The following ZC3H6 variants were observed in gnomAD, a reference collection of about 807,000 sequenced individuals.
ZC3H6 encodes the protein zinc finger CCCH-type containing 6.
ZC3H6 carries 40 observed loss-of-function variants against 107.7 expected under a neutral mutation model. The ratio of observed to expected loss-of-function variants is 0.37; its 90% confidence interval spans 0.29 to 0.48. ZC3H6 has a LOEUF of 0.48. Ranked by LOEUF, ZC3H6 falls within the 20% of genes least tolerant of loss-of-function variation. The pLI is 0.98. For missense variants in ZC3H6, 1,267 were observed against 1,410.4 expected (o/e 0.90, Z 1.63); for synonymous variants, 493 against 487.9 (o/e 1.01, Z -0.14).
chr2:112,290,859 A>G (rs1056049631), intron 1 of ZC3H6, among the ~76,000 whole-genome samples: 16 of 152,384 alleles, frequency 1.0e-4, no homozygotes, highest in African/African-American at 3.8e-4. Context: ...AAATTGGCAT[A>G]TGCTGTAAGC....
intron 1 of ZC3H6, among the ~76,000 whole-genome samples, chr2:112,294,808 C>T (rs762191126): frequency 3.3e-5 from 5 of 152,070 alleles, no homozygotes; most frequent in East Asian, 1.9e-4. Flanking sequence ...TCATGGGTGA[C>T]GAGGGTACTG....
chr2:112,292,619 T>C (rs556832327), intron 1 of ZC3H6, among the ~76,000 whole-genome samples: 1 of 152,362 alleles, frequency 6.6e-6, no homozygotes, highest in East Asian at 1.9e-4. Flanking sequence ...AGTTTGACTA[T>C]AGGTTAGTCA....
At chr2:112,288,354 T>G (rs1266789859) in intron 1 of ZC3H6, among the ~76,000 whole-genome samples, 1 of 152,232 alleles carries the variant, frequency 6.6e-6, no homozygotes. Context: ...TCCAGCATAG[T>G]AATTCTATTC....
At chr2:112,299,721 A>C (rs1676331070) in intron 1 of ZC3H6, 128 bp from the exon 2 acceptor site, 9 of 670,398 alleles carry the variant, frequency 1.3e-5, no homozygotes, top group Non-Finnish European at 1.7e-5. Flanking sequence ...CTTTATAGAA[A>C]AATTTTTCAA....
At chr2:112,309,821 G>A in intron 3 of ZC3H6, 64 bp from the exon 4 acceptor site, 1 of 1,473,184 alleles carries the variant, frequency 6.8e-7, no homozygotes, top group South Asian at 1.4e-5. Flanking sequence ...AGGATGTCCT[G>A]TGCTACTGTC....
chr2:112,277,357 C>G (rs1307079220), intron 1 of ZC3H6, among the ~76,000 whole-genome samples: 1 of 151,246 alleles, frequency 6.6e-6, no homozygotes, highest in Non-Finnish European at 1.5e-5. Flanking sequence ...ATGGACAAAC[C>G]AATGATGGGG....
Position 112,331,145 on chromosome 2 carries a change from C to G in ZC3H6, c.2227C>G (p.Pro743Ala), listed in dbSNP as rs1677022519. 5.0e-6 allele frequency: 8 copies of G among 1,613,512 alleles called. No homozygotes were observed. The highest frequency in any genetic ancestry group is 1.3e-5 in the African/African-American group (1 of 74,872). ...CACAGAACTCAGCACTCCTACTGATCCAAGACTTGCTAAAGAGAAAAGTAA... is the reference window on the plus strand; with the variant it reads ...CACAGAACTCAGCACTCCTACTGATGCAAGACTTGCTAAAGAGAAAAGTAA... ...PSTELSTPTD[P>A]RLAKEKSKGN... Residue 743 changes from proline to alanine, a missense_variant, in exon 12 of 12, where the codon CCA becomes GCA. Physicochemically the swap from Pro to Ala is conservative, Grantham distance 27. Around this residue, in one of 3 missense-constraint regions of ZC3H6, gnomAD observed 925 missense variants for 1,025.7 expected, o/e 0.90. Coordinates refer to ENST00000409871, the MANE Select transcript of ZC3H6 (RefSeq NM_198581.3).
chr2:112,311,881 G>A lies in ZC3H6; in HGVS notation c.691G>A (p.Gly231Arg). 1.2e-6 allele frequency: 2 copies of A among 1,613,494 alleles called. No individual in the cohort carries two copies. The highest frequency in any genetic ancestry group is 1.7e-6 in the Non-Finnish European group (2 of 1,179,628). The change falls in exon 5 of 12, where the codon GGG becomes AGG. Residue 231 changes from glycine to arginine, a missense_variant. Physicochemically the swap from Gly to Arg is moderately radical, Grantham distance 125. Around this residue, in one of 3 missense-constraint regions of ZC3H6, gnomAD observed 337 missense variants for 361.2 expected, o/e 0.93. Transcript: ENST00000409871. The part of the protein sequence containing the change: ...LPKKIKRKER[G>R]GRTNKGPNVF... Reference sequence around the variant, plus strand: ...GAAGAAAATCAAACGAAAAGAACGTGGGGGAAGAACCAATAAAGGGCCTAA... The same window carrying A: ...GAAGAAAATCAAACGAAAAGAACGTAGGGGAAGAACCAATAAAGGGCCTAA...
chr2:112,317,325 T>A lies in ZC3H6; in HGVS notation c.969T>A (p.Tyr323Ter). ...GYCTKGENCIYMHNEFPCKFY... is the reference protein window; with the variant it reads ...GYCTKGENCI ...GTACCAAAGGAGAGAACTGCATTTA[T>A]ATGCATAATATCCTTTATTTAAAAT... Residue 323 changes from tyrosine (Y) to a stop codon, truncating the protein, a stop_gained, in exon 7 of 12, where the codon TAT becomes TAA. Coordinates refer to ENST00000409871, the MANE Select transcript of ZC3H6 (RefSeq NM_198581.3). LOFTEE classifies it high-confidence loss of function. 1 of 1,434,170 alleles carries A rather than the reference T, an allele frequency of 7.0e-7. No individual in the cohort carries two copies. The highest frequency in any genetic ancestry group is 9.6e-7 in the Non-Finnish European group (1 of 1,045,162). 88.8% of individuals were successfully genotyped at this position (1,434,170 alleles called of 1,614,324 possible).
rs1225925397 is a variant in ZC3H6 at position 112,321,766 on chromosome 2, A to G, written c.987A>G (p.Pro329=). The G allele has an allele frequency of 3.3e-6, 5 of 1,503,102 alleles. No homozygotes were observed. Among genetic ancestry groups the G allele is most frequent in the African/African-American group, 2.8e-5 (2 of 70,748 alleles). 93.1% of individuals were successfully genotyped at this position (1,503,102 alleles called of 1,614,324 possible). A position where few individuals can be genotyped will look rare whatever the true frequency, so the allele number is the denominator to read the frequency against. ...AATATTTTTATTTACATGAATTTCC[A>G]TGCAAGTTCTATCATAGTGGAGCAA... ...ENCIYMHNEF[P]CKFYHSGAKC... is the part of the protein sequence containing the mutation. Residue 329 remains proline (P), a synonymous_variant, in exon 8 of 12, where the codon CCA becomes CCG. Coordinates refer to ENST00000409871, the MANE Select transcript of ZC3H6 (RefSeq NM_198581.3).
In ZC3H6 at chr2:112,338,778, A is replaced by G. The variant is rs953539328; in HGVS notation, c.*6290A>G. On this transcript the variant is annotated 3_prime_UTR_variant, in exon 12 of 12. Transcript: ENST00000409871. The stretch of plus-strand genomic sequence containing the variant: ...ATAGAGGCTCAATTAAAAAATAACC[A>G]TATTCTCAAACCTCCATTACCACTA... 6.7e-6 allele frequency: 1 copy of G among 149,856 alleles called. No individual in the cohort carries two copies. Among genetic ancestry groups the G allele is most frequent in the African/African-American group, 2.4e-5 (1 of 41,100 alleles). 9.3% of individuals were successfully genotyped at this position (149,856 alleles called of 1,614,324 possible). A position where few individuals can be genotyped will look rare whatever the true frequency, so the allele number is the denominator to read the frequency against.
At chr2:112,327,669 T>C (rs559248262) in intron 11 of ZC3H6, among the ~76,000 whole-genome samples, 10 of 152,268 alleles carry the variant, frequency 6.6e-5, no homozygotes, top group African/African-American at 2.2e-4. Flanking sequence ...TTTAATCCAT[T>C]TTGATTTGAT....
chr2:112,284,559 C>T (rs1686575278), intron 1 of ZC3H6, among the ~76,000 whole-genome samples: 1 of 150,742 alleles, frequency 6.6e-6, no homozygotes, highest in African/African-American at 2.4e-5. Flanking sequence ...ATAATTTTCT[C>T]AGTGCTGCCT....
intron 1 of ZC3H6, among the ~76,000 whole-genome samples, chr2:112,291,424 G>C (rs1328255807): frequency 6.6e-6 from 1 of 152,162 alleles, no homozygotes; most frequent in African/African-American, 2.4e-5. Flanking sequence ...AGTAGAGACG[G>C]GGTTTCGCCA....
intron 1 of ZC3H6, among the ~76,000 whole-genome samples, chr2:112,292,230 T>G (rs542451192): frequency 4.6e-5 from 7 of 152,334 alleles, no homozygotes; most frequent in Admixed American, 3.9e-4. Flanking sequence ...TCCCCTCCCC[T>G]ATTTTCACCA....
At chr2:112,317,168 C>G (rs1676711858) in intron 6 of ZC3H6, 53 bp from the exon 7 acceptor site, 1 of 992,432 alleles carries the variant, frequency 1.0e-6, no homozygotes, top group African/African-American at 1.8e-5. Flanking sequence ...TTCTTTGTTT[C>G]TCATTGTTTC....
At chr2:112,328,694 A>G (rs531976214) in intron 11 of ZC3H6, among the ~76,000 whole-genome samples, 35 of 152,320 alleles carry the variant, frequency 2.3e-4, no homozygotes, top group African/African-American at 7.9e-4. Flanking sequence ...TAATCCCAGC[A>G]CTTTGGGAGG....
At chr2:112,323,105 TTA>T (rs1429067616) in intron 9 of ZC3H6, among the ~76,000 whole-genome samples, 1 of 152,168 alleles carries the variant, frequency 6.6e-6, no homozygotes, top group African/African-American at 2.4e-5. Context: ...TATGGAATCC[TTA>T]TACAGCTTCT....
chr2:112,289,327 T>C (rs1376694638), intron 1 of ZC3H6, among the ~76,000 whole-genome samples: 1 of 144,604 alleles, frequency 6.9e-6, no homozygotes. Context: ...TTTTTCTTTT[T>C]TTTTTTTTTT....
Sources: gnomAD v4.1 joint callset for allele counts (sites outside exome capture counted in the v4.1 genomes callset) on GRCh38, gnomAD v4.1.1 for gene constraint, gnomAD v4.1.1 regional missense constraint, MANE v1.5 for transcripts, NCBI Gene and HGNC (gene_info 2026-07-23, HGNC 2026-07-21) for gene names.